ANO1: variants seen among roughly 807,000 people sequenced by gnomAD.
ANO1 encodes anoctamin 1, also known as anoctamin-1.
Under a neutral mutation model 124.0 loss-of-function variants are expected in ANO1, and 59 were observed. That is an observed-to-expected ratio of 0.48 (90% CI 0.39 to 0.59). The LOEUF is 0.59. Among genes scored for constraint, ANO1 ranks in the 20% least tolerant of loss-of-function variants. ANO1 has a pLI of 0.00. For synonymous variants in ANO1, 529 were observed against 532.0 expected (o/e 0.99, Z 0.08); for missense variants, 1,059 against 1,328.0 (o/e 0.80, Z 3.15).
intron 22 of ANO1, among the ~76,000 whole-genome samples, 199 bp from the exon 23 acceptor site, chr11:70,179,805 A>G (rs1427130144): frequency 1.2e-4 from 18 of 152,264 alleles, no homozygotes; most frequent in Non-Finnish European, 8.8e-5. Context: ...CTTGTCAGAA[A>G]GGGCTGGTAC....
chr11:70,113,353 C>T (rs888600367), intron 7 of ANO1, among the ~76,000 whole-genome samples: 16 of 152,142 alleles, frequency 1.1e-4, no homozygotes, highest in Admixed American at 9.8e-4. Context: ...TGGATTGAGT[C>T]GGTTTGCCTC....
chr11:70,110,907 C>T (rs1310606687), intron 6 of ANO1, among the ~76,000 whole-genome samples: 3 of 152,248 alleles, frequency 2.0e-5, no homozygotes, highest in African/African-American at 7.2e-5. Context: ...CGCCCGCATG[C>T]GCACCTGTTA....
intron 1 of ANO1, among the ~76,000 whole-genome samples, chr11:70,034,313 C>T (rs1342662823): frequency 6.6e-6 from 1 of 152,050 alleles, no homozygotes; most frequent in African/African-American, 2.4e-5. Context: ...GTCTGCAGGA[C>T]AGAGAAACCC....
intron 8 of ANO1, 122 bp from the exon 9 acceptor site, chr11:70,124,228 C>G (rs925104250): frequency 2.3e-6 from 2 of 886,834 alleles, no homozygotes; most frequent in Admixed American, 4.1e-5. Context: ...AGCCCACTCT[C>G]AAGAAGTGTT....
At chr11:70,178,839 T>C (rs1489684219) in intron 22 of ANO1, among the ~76,000 whole-genome samples, 1 of 152,224 alleles carries the variant, frequency 6.6e-6, no homozygotes, top group Non-Finnish European at 1.5e-5. Context: ...GCTGGGATTA[T>C]AGGCGTGAGC....
the ANO1 span, among the ~76,000 whole-genome samples, chr11:69,971,759 GC>G: frequency 6.6e-6 from 1 of 152,192 alleles, no homozygotes; most frequent in South Asian, 2.1e-4. Context: ...TGCTGGATGA[GC>G]TTTGACACCC....
Position 70,102,411 on chromosome 11 carries a change from C to G in ANO1, c.442-655C>G, listed in dbSNP as rs1257127019. Among the ~76,000 whole-genome samples the G allele has an allele frequency of 2.0e-5, 3 of 152,294 alleles. No individual in the cohort carries two copies. In the East Asian group the frequency reaches 5.8e-4, roughly 29 times the overall value. On this transcript the variant is annotated intron_variant, in intron 2 of 25. Transcript: ENST00000355303. ...TGCTGTTCACTGTTGCCATTGAGGACCAGAGAGAGGTGACTTGGCCAAGCT... is the reference window on the plus strand; with the variant it reads ...TGCTGTTCACTGTTGCCATTGAGGAGCAGAGAGAGGTGACTTGGCCAAGCT...
intron 1 of ANO1, among the ~76,000 whole-genome samples, chr11:69,987,929 C>T (rs960681833): frequency 3.3e-5 from 5 of 152,204 alleles, no homozygotes; most frequent in Admixed American, 2.6e-4. Context: ...TCCCGGAGAG[C>T]AGGCCTTTCC....
intron 1 of ANO1, among the ~76,000 whole-genome samples, chr11:70,025,629 TTGA>T (rs1250735612): frequency 1.4e-4 from 17 of 119,946 alleles, no homozygotes; most frequent in African/African-American, 2.9e-4. Flanking sequence ...GATGATGGTG[TTGA>T]TGATGGTGGT....
chr11:70,170,756 G>T (rs954332654), intron 21 of ANO1, 131 bp from the exon 22 acceptor site: 1 of 1,108,866 alleles, frequency 9.0e-7, no homozygotes, highest in Admixed American at 2.5e-5. Flanking sequence ...TGCAGGTGGG[G>T]TCCATGCAGG....
intron 1 of ANO1, among the ~76,000 whole-genome samples, chr11:70,024,465 C>T (rs1856857560): frequency 6.6e-6 from 1 of 152,168 alleles, no homozygotes; most frequent in Non-Finnish European, 1.5e-5. Flanking sequence ...CAGAGAATAG[C>T]TCTTCTCAAC....
intron 1 of ANO1, among the ~76,000 whole-genome samples, chr11:70,082,623 C>G (rs564844270): frequency 2.3e-4 from 35 of 152,310 alleles, no homozygotes; most frequent in Admixed American, 9.8e-4. Flanking sequence ...GTTGCTTGCC[C>G]CTTTCTTAAG....
At chr11:70,034,431 A>T (rs1286096052) in intron 1 of ANO1, among the ~76,000 whole-genome samples, 1 of 152,156 alleles carries the variant, frequency 6.6e-6, no homozygotes, top group Non-Finnish European at 1.5e-5. Flanking sequence ...TGGACAGACC[A>T]CAAGGGCAGC....
At chr11:70,156,227 C>T (rs887761750) in intron 15 of ANO1, among the ~76,000 whole-genome samples, 3 of 152,130 alleles carry the variant, frequency 2.0e-5, no homozygotes, top group South Asian at 2.1e-4. Flanking sequence ...GCTCGTGAAA[C>T]GTGCTTGTCA....
intron 1 of ANO1, among the ~76,000 whole-genome samples, chr11:70,050,850 G>A (rs1415643386): frequency 6.6e-6 from 1 of 152,090 alleles, no homozygotes; most frequent in African/African-American, 2.4e-5. Context: ...TGTCAAATGG[G>A]GATACTAACA....
chr11:70,160,293 C>A (rs2047993451), intron 16 of ANO1, among the ~76,000 whole-genome samples: 3 of 152,090 alleles, frequency 2.0e-5, no homozygotes, highest in Admixed American at 2.0e-4. Flanking sequence ...CTTCTCCTGC[C>A]CAGCCCTCGG....
intron 11 of ANO1, 181 bp from the exon 12 acceptor site, chr11:70,149,529 T>TA: frequency 1.7e-6 from 1 of 586,936 alleles, no homozygotes; most frequent in African/African-American, 1.9e-5. Context: ...CGCATGCCTG[T>TA]AATCCCAGCT....
At chr11:69,976,359 T>G in the ANO1 span, among the ~76,000 whole-genome samples, 8 of 151,568 alleles carry the variant, frequency 5.3e-5, no homozygotes, top group Non-Finnish European at 1.2e-4. Context: ...TACAAAAAAT[T>G]AGCGGTGCAC....
At chr11:70,174,882 C>T (rs540537869) in intron 22 of ANO1, among the ~76,000 whole-genome samples, 1 of 150,076 alleles carries the variant, frequency 6.7e-6, no homozygotes, top group East Asian at 1.9e-4. Flanking sequence ...AAAAGAGTGC[C>T]ATCCCATTCC....
Sources: allele counts gnomAD v4.1 joint callset (sites outside exome capture counted in the v4.1 genomes callset), GRCh38; gene constraint gnomAD v4.1.1; transcripts MANE v1.5; gene names NCBI Gene and HGNC (gene_info 2026-07-23, HGNC 2026-07-21).